Variants in SKI observed in about 807,000 individuals in gnomAD.
The protein encoded by SKI is SKI proto-oncogene.
In SKI, 23 loss-of-function variants were observed where a neutral mutation model predicts 59.3. The observed-to-expected ratio is 0.39, with a 90% CI of 0.28 to 0.55. The LOEUF (loss-of-function observed/expected upper bound fraction) is 0.55, where lower values mean the gene tolerates loss of function less well. Among genes scored for constraint, SKI ranks in the 20% least tolerant of loss-of-function variants. The probability of loss-of-function intolerance (pLI) is 0.67; values close to 1 mark genes in which losing one functional copy is unlikely to be tolerated. For missense variants in SKI, 1,017 were observed against 1,038.9 expected, an observed-to-expected ratio of 0.98 and a Z score of 0.29; for synonymous variants, 673 against 488.6, an observed-to-expected ratio of 1.38 and a Z score of -4.98.
At chr1:2,294,741 T>C (rs1476382956) in intron 1 of SKI, among the ~76,000 whole-genome samples, 1 of 152,216 alleles carries the variant, frequency 6.6e-6, no homozygotes, top group Non-Finnish European at 1.5e-5. Flanking sequence ...TCTCACATTT[T>C]TGTCTCCCCG....
intron 4 of SKI, 42 bp downstream of exon 4, chr1:2,304,144 TGGGGGTGGCACTGGCTGA>T: frequency 6.2e-7 from 1 of 1,607,798 alleles, no homozygotes; most frequent in Non-Finnish European, 8.5e-7. Flanking sequence ...CTGTGGGCTG[TGGGGGTGGCACTGGCTGA>T]GGGGGGCTGG....
intron 1 of SKI, among the ~76,000 whole-genome samples, chr1:2,287,480 G>C (rs1640064533): frequency 1.3e-5 from 2 of 151,950 alleles, no homozygotes; most frequent in African/African-American, 4.8e-5. Context: ...GGGACTACAG[G>C]TGCCCGCCAC....
At chr1:2,265,275 G>A (rs936715970) in intron 1 of SKI, among the ~76,000 whole-genome samples, 1 of 152,202 alleles carries the variant, frequency 6.6e-6, no homozygotes, top group African/African-American at 2.4e-5. Flanking sequence ...CCGTGTGTCA[G>A]TCATGTGAAT....
intron 1 of SKI, among the ~76,000 whole-genome samples, chr1:2,258,346 G>A (rs867122471): frequency 3.3e-5 from 5 of 152,110 alleles, no homozygotes; most frequent in African/African-American, 1.2e-4. Context: ...TGCCGAGGCC[G>A]AATCGCCCCC....
intron 1 of SKI, among the ~76,000 whole-genome samples, chr1:2,275,760 C>T (rs1219439239): frequency 1.3e-5 from 2 of 152,228 alleles, no homozygotes; most frequent in African/African-American, 2.4e-5. Flanking sequence ...GATCCACCCA[C>T]CTCGGCCTCC....
rs1640464964 is a variant in SKI at position 2,303,026 on chromosome 1, T to A, written c.1018T>A (p.Ser340Thr). The change falls in exon 2 of 7, where the codon TCT (serine) becomes ACT (threonine). Residue 340 changes from serine to threonine, a missense_variant. Ser to Thr is a moderately conservative substitution (Grantham distance 58). Transcript: ENST00000378536. The surrounding 1 kb of genome is among the most constrained non-coding windows in gnomAD (Gnocchi z 5.6). Reference protein sequence around the residue: ...ASIRPKTDDTSSQSPAPSEKD... With the variant: ...ASIRPKTDDTTSQSPAPSEKD... ...CATAAGACCCAAAACAGATGACACC[T>A]CTTCCCAGTCCCCCGCGCCTTCCGA... 6.2e-7 allele frequency: 1 copy of A among 1,613,694 alleles called. No homozygotes were observed. The highest frequency in any genetic ancestry group is 8.5e-7 in the Non-Finnish European group (1 of 1,180,012).
intron 1 of SKI, among the ~76,000 whole-genome samples, chr1:2,257,372 T>G (rs1333390161): frequency 6.6e-6 from 1 of 152,260 alleles, no homozygotes; most frequent in African/African-American, 2.4e-5. Flanking sequence ...AGCCCGCGGA[T>G]GGCTCTTATG....
Position 2,253,098 on chromosome 1 carries a change from A to G in SKI, c.969+23363A>G, listed in dbSNP as rs1244758020. Among the ~76,000 whole-genome samples the G allele has an allele frequency of 9.2e-4, 32 of 34,692 alleles. No homozygotes were observed. In the Admixed American group the frequency reaches 0.014, roughly 15 times the overall value. The allele number at this position is 34,692 out of a possible 152,430, so 22.8% of individuals were successfully genotyped here. On this transcript the variant is annotated intron_variant, in intron 1 of 6. Coordinates refer to ENST00000378536, the MANE Select transcript of SKI (RefSeq NM_003036.4). ...GTGATGGAGTGAGACCCTGTCTGAA[A>G]AAAAAAAAAAAAATAGAGTTGCTAA... is the stretch of plus-strand genomic sequence containing the variant.
intron 1 of SKI, among the ~76,000 whole-genome samples, chr1:2,291,330 C>T (rs1279022240): frequency 6.6e-6 from 1 of 152,204 alleles, no homozygotes; most frequent in Non-Finnish European, 1.5e-5. Context: ...GTGGTCGGCC[C>T]CAGTGTCATC....
chr1:2,242,604 T>G (rs977381877), intron 1 of SKI, among the ~76,000 whole-genome samples: 2 of 152,168 alleles, frequency 1.3e-5, no homozygotes, highest in African/African-American at 2.4e-5. Context: ...ACTGCAGCTT[T>G]GACATCTTGG....
chr1:2,263,234 ATTTTT>A (rs35975887), intron 1 of SKI, among the ~76,000 whole-genome samples: 6 of 118,462 alleles, frequency 5.1e-5, no homozygotes, highest in Non-Finnish European at 1.7e-5. Flanking sequence ...TTTGCTTAGA[ATTTTT>A]TTTTTTTTTT....
At chr1:2,258,744 G>A (rs909690721) in intron 1 of SKI, among the ~76,000 whole-genome samples, 1 of 151,962 alleles carries the variant, frequency 6.6e-6, no homozygotes, top group African/African-American at 2.4e-5. Flanking sequence ...TAGTAGAGAC[G>A]GGGTTTGTTG....
At chr1:2,305,766 C>T (rs957702563) in intron 5 of SKI, among the ~76,000 whole-genome samples, 3 of 152,204 alleles carry the variant, frequency 2.0e-5, no homozygotes, top group Non-Finnish European at 4.4e-5. Flanking sequence ...CCCGCCGCAG[C>T]CTCAAGTGAC....
intron 1 of SKI, among the ~76,000 whole-genome samples, chr1:2,254,014 C>T (rs530532177): frequency 6.6e-6 from 1 of 152,352 alleles, no homozygotes; most frequent in South Asian, 2.1e-4. Flanking sequence ...GCAAGGGCCA[C>T]GTGCCTGGTC....
rs769239039 is a variant in SKI, at chr1:2,307,996, C to T, written c.*1231C>T. The T allele has an allele frequency of 1.3e-5, 2 of 152,518 alleles. No individual in the cohort carries two copies. Among genetic ancestry groups the T allele is most frequent in the Admixed American group, 1.3e-4 (2 of 15,282 alleles). The allele number at this position is 152,518 out of a possible 1,614,324, so 9.4% of individuals were successfully genotyped here. ...TATCTGTCTTCAGTAGCGACTGAAT[C>T]TGCCACTCTCAGAATAAGTTCCTTG... On this transcript the variant is annotated 3_prime_UTR_variant, in exon 7 of 7. Transcript: ENST00000378536.
At chr1:2,271,675 C>T (rs773047695) in intron 1 of SKI, among the ~76,000 whole-genome samples, 4 of 151,992 alleles carry the variant, frequency 2.6e-5, no homozygotes, top group Non-Finnish European at 4.4e-5. Flanking sequence ...CTTGCCTGTC[C>T]CTGCGGGCCC....
intron 1 of SKI, among the ~76,000 whole-genome samples, chr1:2,277,231 T>C (rs991561705): frequency 1.3e-5 from 2 of 152,200 alleles, no homozygotes; most frequent in African/African-American, 4.8e-5. Flanking sequence ...ATAGCTGAGA[T>C]TACAGGCACA....
intron 1 of SKI, among the ~76,000 whole-genome samples, chr1:2,285,425 G>A (rs1477133160): frequency 6.6e-6 from 1 of 151,770 alleles, no homozygotes; most frequent in Non-Finnish European, 1.5e-5. Flanking sequence ...TGAGGCAGGA[G>A]AATTGCTTGA....
intron 1 of SKI, among the ~76,000 whole-genome samples, chr1:2,297,340 C>T (rs2100905732): frequency 6.6e-6 from 1 of 152,320 alleles, no homozygotes; most frequent in African/African-American, 2.4e-5. Flanking sequence ...CCGAAGAGAA[C>T]CTCAGCGTAG....
Sources: allele counts gnomAD v4.1 joint callset (sites outside exome capture counted in the v4.1 genomes callset), GRCh38; gene constraint gnomAD v4.1.1; non-coding constraint Gnocchi (gnomAD v3.1); transcripts MANE v1.5; gene names NCBI Gene and HGNC (gene_info 2026-07-23, HGNC 2026-07-21).